The following CLIP2 variants were observed in gnomAD, a reference collection of about 807,000 sequenced individuals.
The protein encoded by CLIP2 is CAP-Gly domain containing linker protein 2.
In CLIP2, 41 loss-of-function variants were observed where a neutral mutation model predicts 111.7. The observed-to-expected ratio is 0.37, with a 90% confidence interval of 0.29 to 0.48. CLIP2 has a LOEUF of 0.48. Ranked by LOEUF, CLIP2 falls within the 20% of genes least tolerant of loss-of-function variation. The pLI is 0.99. For synonymous variants in CLIP2, 660 were observed against 644.2 expected (o/e 1.02, Z -0.37); for missense variants, 1,160 against 1,422.1 (o/e 0.82, Z 2.96).
intron 2 of CLIP2, among the ~76,000 whole-genome samples, chr7:74,333,223 G>A (rs1214408581): frequency 2.0e-5 from 3 of 152,064 alleles, no homozygotes; most frequent in Non-Finnish European, 4.4e-5. Context: ...TTGCTCTGTC[G>A]CCCAGGCTGG....
At chr7:74,323,397 C>A (rs1049201156) in intron 2 of CLIP2, among the ~76,000 whole-genome samples, 4 of 151,512 alleles carry the variant, frequency 2.6e-5, no homozygotes, top group Non-Finnish European at 4.4e-5. Context: ...CCATGGCTGG[C>A]CTAGATATCT....
intron 14 of CLIP2, 104 bp downstream of exon 14, chr7:74,397,337 C>G: frequency 8.3e-7 from 1 of 1,200,856 alleles, no homozygotes; most frequent in Non-Finnish European, 1.2e-6. Flanking sequence ...TGGAATGACC[C>G]CAGGGACAGC....
chr7:74,373,091 C>A (rs1790683154), intron 9 of CLIP2, 55 bp downstream of exon 9: 4 of 1,033,622 alleles, frequency 3.9e-6, no homozygotes, highest in South Asian at 2.8e-5. Context: ...CTTTGATGCC[C>A]CCTCTGGCTT....
intron 2 of CLIP2, among the ~76,000 whole-genome samples, chr7:74,326,313 G>A (rs1167627688): frequency 6.6e-6 from 1 of 152,168 alleles, no homozygotes; most frequent in Admixed American, 6.6e-5. Context: ...CCAGAGCTGA[G>A]ACTCATGCCA....
chr7:74,382,698 G>A (rs1447973445), intron 11 of CLIP2, among the ~76,000 whole-genome samples: 1 of 151,658 alleles, frequency 6.6e-6, no homozygotes, highest in South Asian at 2.1e-4. Flanking sequence ...AGCTCTTTAT[G>A]TATGACATTG....
chr7:74,310,426 G>A (rs145142547), intron 1 of CLIP2, among the ~76,000 whole-genome samples: 19 of 152,234 alleles, frequency 1.2e-4, no homozygotes, highest in African/African-American at 4.6e-4. Flanking sequence ...GGAAGCTGAG[G>A]TGGGAGGATC....
intron 10 of CLIP2, chr7:74,380,511 C>T (rs185402079): frequency 1.8e-5 from 4 of 222,838 alleles, no homozygotes; most frequent in African/African-American, 9.0e-5. Context: ...GGGAAGGAGC[C>T]ATCTGTTTAA....
chr7:74,294,310 G>A (rs1584298375), intron 1 of CLIP2, among the ~76,000 whole-genome samples: 1 of 152,330 alleles, frequency 6.6e-6, no homozygotes, highest in South Asian at 2.1e-4. Flanking sequence ...CAAAACTCAT[G>A]TTTGCAGAGG....
chr7:74,367,251 C>T (rs1356149148), intron 8 of CLIP2, among the ~76,000 whole-genome samples: 3 of 151,570 alleles, frequency 2.0e-5, no homozygotes, highest in Non-Finnish European at 2.9e-5. Flanking sequence ...AGTGCAGTGG[C>T]GCAATCTCTG....
intron 2 of CLIP2, among the ~76,000 whole-genome samples, chr7:74,336,045 CTT>C (rs1789445287): frequency 6.6e-6 from 1 of 151,354 alleles, no homozygotes; most frequent in Non-Finnish European, 1.5e-5. Context: ...CCTGGCCTCT[CTT>C]CTTTTCTCTT....
intron 2 of CLIP2, among the ~76,000 whole-genome samples, chr7:74,332,357 A>T (rs1156671087): frequency 2.7e-5 from 4 of 150,366 alleles, no homozygotes; most frequent in African/African-American, 9.8e-5. Flanking sequence ...TCCAGGCATG[A>T]GCCACTGTGC....
intron 1 of CLIP2, among the ~76,000 whole-genome samples, chr7:74,312,878 C>G (rs782805603): frequency 6.6e-6 from 1 of 152,160 alleles, no homozygotes; most frequent in Admixed American, 6.6e-5. Context: ...ATCCTTCACT[C>G]GGATGTGCCA....
intron 2 of CLIP2, among the ~76,000 whole-genome samples, chr7:74,329,082 T>A (rs1554730983): frequency 7.6e-6 from 1 of 131,240 alleles, no homozygotes; most frequent in Non-Finnish European, 1.6e-5. Flanking sequence ...TAATTTTTTT[T>A]TTTGGTTTTT....
At chr7:74,295,265 G>A (rs1788135793) in intron 1 of CLIP2, among the ~76,000 whole-genome samples, 1 of 152,064 alleles carries the variant, frequency 6.6e-6, no homozygotes, top group Non-Finnish European at 1.5e-5. Context: ...CCCAGCTGGG[G>A]CTGAGTTTTG....
chr7:74,390,191 AAG>A (rs367865131), intron 13 of CLIP2, among the ~76,000 whole-genome samples: 13 of 99,596 alleles, frequency 1.3e-4, no homozygotes, highest in Middle Eastern at 5.6e-3. Context: ...GAAAGAAAGA[AAG>A]AAAGAAAGAA....
rs782050778 is a variant in CLIP2 at position 74,376,733 on chromosome 7, C to G, written c.2332C>G (p.Gln778Glu). The change falls in exon 10 of 17, where the codon CAG becomes GAG. Residue 778 changes from glutamine (Q) to glutamate (E), a missense_variant. Around this residue, in one of 5 missense-constraint regions of CLIP2, gnomAD observed 676 missense variants for 777.8 expected, o/e 0.87. Coordinates refer to ENST00000223398, the MANE Select transcript of CLIP2 (RefSeq NM_003388.5). The surrounding 1 kb of genome is among the most constrained non-coding windows in gnomAD (Gnocchi z 7.1). ...GCAGCGGGCAGAAGCCCAGGGCAAA[C>G]AGGAGGTCGAGAGTTTGCGGGAGAA... ...RLQRAEAQGK[Q>E]EVESLREKLL... is the part of the protein sequence containing the mutation. The G allele has an allele frequency of 2.7e-5, 43 of 1,612,864 alleles. No individual in the cohort carries two copies. The Admixed American group carries it at 3.2e-4, about 12-fold the overall frequency.
At chr7:74,380,053 A>T (rs1790899080) in intron 10 of CLIP2, 1 of 152,142 alleles carries the variant, frequency 6.6e-6, no homozygotes, top group African/African-American at 2.4e-5. Context: ...CTCAAATGGG[A>T]CTTGGGATGT....
chr7:74,316,560 CTT>C (rs547451254), intron 1 of CLIP2, among the ~76,000 whole-genome samples: 4 of 138,448 alleles, frequency 2.9e-5, no homozygotes, highest in Admixed American at 7.3e-5. Flanking sequence ...CCTTTTAGGG[CTT>C]TTTTTTTTTT....
At chr7:74,343,849 G>A (rs1554305821) in intron 3 of CLIP2, among the ~76,000 whole-genome samples, 4 of 152,026 alleles carry the variant, frequency 2.6e-5, no homozygotes. Flanking sequence ...GCTGCAGTGA[G>A]CCACGATGGG....
Sources: gnomAD v4.1 joint callset for allele counts (sites outside exome capture counted in the v4.1 genomes callset) on GRCh38, gnomAD v4.1.1 for gene constraint, gnomAD v4.1.1 regional missense constraint, Gnocchi (gnomAD v3.1) non-coding constraint, MANE v1.5 for transcripts, NCBI Gene and HGNC (gene_info 2026-07-23, HGNC 2026-07-21) for gene names.